The following DENND1A variants were observed in gnomAD, a reference collection of about 807,000 sequenced individuals.
DENND1A encodes the protein DENN domain-containing protein 1A.
A neutral mutation model predicts 113.7 loss-of-function variants in DENND1A; 51 were observed. The observed-to-expected ratio is 0.45, with a 90% CI of 0.36 to 0.57. The LOEUF is 0.57. Among genes scored for constraint, DENND1A ranks in the 20% least tolerant of loss-of-function variants. The pLI, the probability that DENND1A is intolerant of heterozygous loss-of-function variation, is 0.00. For synonymous variants in DENND1A, 565 were observed against 570.8 expected (o/e 0.99, Z 0.14); for missense variants, 1,258 against 1,395.9 (o/e 0.90, Z 1.57).
intron 2 of DENND1A, among the ~76,000 whole-genome samples, chr9:123,838,638 G>A (rs1041713224): frequency 1.3e-5 from 2 of 152,158 alleles, no homozygotes; most frequent in African/African-American, 2.4e-5. Flanking sequence ...CATTAGATAT[G>A]TTGGCCAATC....
chr9:123,647,376 G>A (rs2062394973), intron 9 of DENND1A, among the ~76,000 whole-genome samples: 1 of 152,146 alleles, frequency 6.6e-6, no homozygotes, highest in Non-Finnish European at 1.5e-5. Context: ...TACAAGGTTG[G>A]AGCCCAGCAG....
chr9:123,447,326 C>G (rs2047378429), intron 18 of DENND1A, among the ~76,000 whole-genome samples: 1 of 152,142 alleles, frequency 6.6e-6, no homozygotes, highest in East Asian at 1.9e-4. Context: ...TGAAGCAGAG[C>G]AGGTATGGAA....
At chr9:123,913,732 C>A (rs1477429186) in intron 1 of DENND1A, among the ~76,000 whole-genome samples, 11 of 151,590 alleles carry the variant, frequency 7.3e-5, no homozygotes, top group Admixed American at 7.2e-4. Context: ...ATAGAGAAAC[C>A]CCGTCTCTAC....
chr9:123,496,768 C>T (rs958629179), intron 13 of DENND1A, among the ~76,000 whole-genome samples: 2 of 152,236 alleles, frequency 1.3e-5, no homozygotes, highest in Admixed American at 6.5e-5. Context: ...ATTGGGACAC[C>T]GTTATTGATG....
intron 1 of DENND1A, among the ~76,000 whole-genome samples, chr9:123,879,536 A>C (rs1848016461): frequency 6.6e-6 from 1 of 151,344 alleles, no homozygotes; most frequent in African/African-American, 2.5e-5. Flanking sequence ...CTGTCTCAAA[A>C]ATGAATAATA....
intron 2 of DENND1A, among the ~76,000 whole-genome samples, chr9:123,840,391 TA>T (rs577575330): frequency 6.6e-6 from 1 of 151,740 alleles, no homozygotes; most frequent in Admixed American, 6.6e-5. Context: ...TATTTAAACT[TA>T]AAAAAAAGCA....
At chr9:123,832,148 G>T (rs1017109028) in intron 2 of DENND1A, among the ~76,000 whole-genome samples, 3 of 152,150 alleles carry the variant, frequency 2.0e-5, no homozygotes, top group Non-Finnish European at 4.4e-5. Flanking sequence ...AGAGTGGAAA[G>T]ATAAGGCACA....
chr9:123,407,240 C>T (rs2043938926), intron 20 of DENND1A, among the ~76,000 whole-genome samples: 1 of 152,010 alleles, frequency 6.6e-6, no homozygotes, highest in African/African-American at 2.4e-5. Context: ...GACCCAGAGG[C>T]GGTTGGTCAC....
chr9:123,693,115 T>C (rs1042474446), intron 5 of DENND1A, among the ~76,000 whole-genome samples: 4 of 152,210 alleles, frequency 2.6e-5, no homozygotes, highest in African/African-American at 9.6e-5. Context: ...TGTGTATATA[T>C]AGATGAATTT....
rs56206951 is a variant in DENND1A at position 123,380,678 on chromosome 9, G to A, written c.*754C>T. 280 of 152,584 alleles carry A rather than the reference G, an allele frequency of 1.8e-3. 2 individuals are homozygous for A. The highest frequency in any genetic ancestry group is 3.4e-3 in the Middle Eastern group (1 of 294). The allele number at this position is 152,584 out of a possible 1,614,324, so 9.5% of individuals were successfully genotyped here. ...GTGCCAGAGCTGGATGAGGGCTGGGGGCTCCTCCCAAAATACTCAGATGGG... is the reference window on the plus strand; with the variant it reads ...GTGCCAGAGCTGGATGAGGGCTGGGAGCTCCTCCCAAAATACTCAGATGGG... On this transcript the variant is annotated 3_prime_UTR_variant, in exon 24 of 24. Coordinates refer to ENST00000394215, the MANE Select transcript of DENND1A (RefSeq NM_001352964.2).
chr9:123,403,725 C>T (rs567418435), intron 20 of DENND1A, among the ~76,000 whole-genome samples: 77 of 152,250 alleles, frequency 5.1e-4, no homozygotes, highest in African/African-American at 1.5e-3. Flanking sequence ...CTGGAAAGCT[C>T]GGTTTCTTCA....
chr9:123,885,339 C>A (rs1449240604), intron 1 of DENND1A, among the ~76,000 whole-genome samples: 1 of 152,226 alleles, frequency 6.6e-6, no homozygotes, highest in Non-Finnish European at 1.5e-5. Flanking sequence ...TTCTTCCCCA[C>A]TAGACTGGCA....
At chr9:123,892,214 G>C (rs1309860517) in intron 1 of DENND1A, among the ~76,000 whole-genome samples, 1 of 152,150 alleles carries the variant, frequency 6.6e-6, no homozygotes, top group African/African-American at 2.4e-5. Context: ...ACTCACACAG[G>C]GTTAGAAATA....
At chr9:123,688,233 G>A (rs966218755) in intron 5 of DENND1A, among the ~76,000 whole-genome samples, 10 of 152,164 alleles carry the variant, frequency 6.6e-5, no homozygotes, top group African/African-American at 9.7e-5. Flanking sequence ...GTCGAATCCA[G>A]TTCTGTGTGA....
intron 12 of DENND1A, among the ~76,000 whole-genome samples, chr9:123,561,595 C>T (rs2057759717): frequency 6.6e-6 from 1 of 152,116 alleles, no homozygotes. Context: ...GCTGAACTTG[C>T]CCTCAGTACC....
chr9:123,397,313 A>G (rs2043184779), intron 21 of DENND1A, among the ~76,000 whole-genome samples: 1 of 152,088 alleles, frequency 6.6e-6, no homozygotes, highest in South Asian at 2.1e-4. Flanking sequence ...TGCAACCAAG[A>G]CCGGCTGATT....
At chr9:123,417,901 G>A (rs1015784058) in intron 19 of DENND1A, among the ~76,000 whole-genome samples, 4 of 151,980 alleles carry the variant, frequency 2.6e-5, no homozygotes, top group African/African-American at 7.3e-5. Context: ...GGGGGCAGTG[G>A]TAGGGAGTGC....
chr9:123,782,867 T>A (rs1443420623), intron 3 of DENND1A, among the ~76,000 whole-genome samples: 1 of 140,932 alleles, frequency 7.1e-6, no homozygotes, highest in East Asian at 2.0e-4. Flanking sequence ...AACCCCCAGC[T>A]CCCCCCGCTC....
At chr9:123,397,078 TTTC>T (rs2043174984) in intron 21 of DENND1A, among the ~76,000 whole-genome samples, 2 of 152,202 alleles carry the variant, frequency 1.3e-5, no homozygotes, top group Admixed American at 6.5e-5. Flanking sequence ...CCCCTACATA[TTTC>T]TTGTGAGGAT....
Sources: gnomAD v4.1 joint callset for allele counts (sites outside exome capture counted in the v4.1 genomes callset) on GRCh38, gnomAD v4.1.1 for gene constraint, MANE v1.5 for transcripts, NCBI Gene and HGNC (gene_info 2026-07-23, HGNC 2026-07-21) for gene names.